Variants in COL4A2 observed in about 807,000 individuals in gnomAD.
The protein encoded by COL4A2 is collagen type IV alpha 2 chain.
In COL4A2, 99 loss-of-function variants were observed where a neutral mutation model predicts 200.2. The ratio of observed to expected loss-of-function variants is 0.49; its 90% CI spans 0.42 to 0.58. COL4A2 has a LOEUF of 0.58. Among genes scored for constraint, COL4A2 ranks in the 20% least tolerant of loss-of-function variants. COL4A2 has a pLI of 0.00. For missense variants in COL4A2, 1,950 were observed against 2,314.1 expected (o/e 0.84, Z 3.23); for synonymous variants, 897 against 900.6 (o/e 1.00, Z 0.07).
chr13:110,352,417 G>C (rs888902989), intron 3 of COL4A2, among the ~76,000 whole-genome samples: 1 of 152,184 alleles, frequency 6.6e-6, no homozygotes, highest in African/African-American at 2.4e-5. Flanking sequence ...TTAGTTGTTT[G>C]TTTACTTATT....
intron 3 of COL4A2, among the ~76,000 whole-genome samples, chr13:110,319,132 G>A (rs936423628): frequency 6.6e-6 from 1 of 151,958 alleles, no homozygotes; most frequent in Non-Finnish European, 1.5e-5. Flanking sequence ...GTGGGGGGAG[G>A]TTTTAGTCTT....
At chr13:110,364,327 C>G (rs77385081) in intron 4 of COL4A2, among the ~76,000 whole-genome samples, 271 of 152,328 alleles carry the variant, frequency 1.8e-3, no homozygotes, top group African/African-American at 6.4e-3. Context: ...GCTGCAGGGG[C>G]TGTGGCAACT....
At chr13:110,421,812 G>T in intron 4 of COL4A2, among the ~76,000 whole-genome samples, 1 of 152,194 alleles carries the variant, frequency 6.6e-6, no homozygotes, top group Non-Finnish European at 1.5e-5. Flanking sequence ...CCCTAACCAA[G>T]AAATAAAGAT....
intron 28 of COL4A2, among the ~76,000 whole-genome samples, 187 bp from the exon 29 acceptor site, chr13:110,472,742 C>T (rs1289961800): frequency 1.3e-5 from 2 of 152,052 alleles, no homozygotes; most frequent in African/African-American, 4.8e-5. Context: ...AGAAACATAA[C>T]CAACAGAACG....
intron 3 of COL4A2, among the ~76,000 whole-genome samples, chr13:110,311,468 G>A (rs1884980997): frequency 6.6e-6 from 1 of 152,206 alleles, no homozygotes; most frequent in African/African-American, 2.4e-5. Context: ...GCTGCCGCCT[G>A]GGGCGGACAT....
intron 4 of COL4A2, 22 bp from the exon 5 acceptor site, chr13:110,424,712 T>G: frequency 6.5e-7 from 1 of 1,542,824 alleles, no homozygotes; most frequent in Non-Finnish European, 8.8e-7. Context: ...TCGTGGAAAT[T>G]GAACCTTTGT....
chr13:110,352,101 T>G (rs1876985838), intron 3 of COL4A2, among the ~76,000 whole-genome samples: 2 of 152,146 alleles, frequency 1.3e-5, no homozygotes, highest in Non-Finnish European at 2.9e-5. Context: ...ATGATCATGA[T>G]GATGATGATG....
At chr13:110,310,138 C>T (rs1183417101) in intron 3 of COL4A2, among the ~76,000 whole-genome samples, 2 of 152,226 alleles carry the variant, frequency 1.3e-5, no homozygotes, top group Admixed American at 1.3e-4. Context: ...ACCTCTATGC[C>T]TCCCCAAAAC....
intron 46 of COL4A2, chr13:110,507,631 C>T: frequency 2.1e-6 from 1 of 480,964 alleles, no homozygotes; most frequent in Non-Finnish European, 3.8e-6. Context: ...TAAGACCCCA[C>T]TAAGGTAAGG....
At chr13:110,313,478 G>A (rs982604793) in intron 3 of COL4A2, among the ~76,000 whole-genome samples, 28 of 151,316 alleles carry the variant, frequency 1.9e-4, no homozygotes, top group African/African-American at 3.4e-4. Flanking sequence ...GGTGCCCCGC[G>A]TCCACCCGGC....
At chr13:110,469,002 G>A (rs1882358319) in intron 27 of COL4A2, among the ~76,000 whole-genome samples, 1 of 152,096 alleles carries the variant, frequency 6.6e-6, no homozygotes, top group South Asian at 2.1e-4. Context: ...TCTAAATATT[G>A]GATATTATCA....
intron 4 of COL4A2, among the ~76,000 whole-genome samples, chr13:110,370,856 T>C (rs1274704714): frequency 6.6e-6 from 1 of 152,230 alleles, no homozygotes; most frequent in African/African-American, 2.4e-5. Flanking sequence ...TTCCTACTAG[T>C]ATTTTTGGGA....
intron 4 of COL4A2, among the ~76,000 whole-genome samples, chr13:110,410,003 G>A (rs1315846497): frequency 6.6e-6 from 1 of 152,166 alleles, no homozygotes; most frequent in Non-Finnish European, 1.5e-5. Context: ...AGTGGTTCCA[G>A]GACCAGCATC....
chr13:110,307,680 C>T lies in COL4A2; in HGVS notation c.-45+152C>T, dbSNP rs569895847. On this transcript the variant is annotated intron_variant, in intron 1 of 47. Coordinates refer to ENST00000360467, the MANE Select transcript of COL4A2 (RefSeq NM_001846.4). This position sits in a 1 kb window ranked among gnomAD's most constrained non-coding sequence, Gnocchi z 5.0. ...ACCGAGCTCCTCGGCCAAGGAGCAC[C>T]CACAGGGGCCTAACGGGAGGCTCTC... 6.6e-5 allele frequency among the ~76,000 whole-genome samples: 10 copies of T among 152,216 alleles called. No homozygotes were observed. In the East Asian group the frequency reaches 1.9e-3, roughly 30 times the overall value.
intron 4 of COL4A2, among the ~76,000 whole-genome samples, chr13:110,395,491 C>T (rs748233780): frequency 3.1e-4 from 47 of 152,218 alleles, no homozygotes; most frequent in Non-Finnish European, 5.1e-4. Flanking sequence ...CCCTGCCCCA[C>T]TCCTCATGTT....
At chr13:110,435,995 A>G (rs1880856006) in intron 12 of COL4A2, 1 of 519,802 alleles carries the variant, frequency 1.9e-6, no homozygotes, top group African/African-American at 1.9e-5. Context: ...CATTGTAAGG[A>G]AACAACCCCA....
intron 4 of COL4A2, among the ~76,000 whole-genome samples, chr13:110,385,516 CCG>C (rs1461537957): frequency 0.069 from 9,702 of 140,796 alleles, 2,133 homozygotes; most frequent in Admixed American, 0.079. Context: ...TGTGGATAGG[CCG>C]TGGTTACAGT....
chr13:110,472,076 C>T (rs11619108), intron 28 of COL4A2, among the ~76,000 whole-genome samples: 23,895 of 151,828 alleles, frequency 0.16, 2,007 homozygotes, highest in Middle Eastern at 0.29. Flanking sequence ...GCTGCCTTCC[C>T]TCCATCCGCA....
chr13:110,483,402 TGAA>T (rs1329420220), intron 32 of COL4A2, among the ~76,000 whole-genome samples: 1 of 152,192 alleles, frequency 6.6e-6, no homozygotes, highest in Non-Finnish European at 1.5e-5. Flanking sequence ...TACTCCTAGA[TGAA>T]GATCATTGAA....
Sources: gnomAD v4.1 joint callset for allele counts (sites outside exome capture counted in the v4.1 genomes callset) on GRCh38, gnomAD v4.1.1 for gene constraint, Gnocchi (gnomAD v3.1) non-coding constraint, MANE v1.5 for transcripts, NCBI Gene and HGNC (gene_info 2026-07-23, HGNC 2026-07-21) for gene names.